The following TANC2 variants were observed in gnomAD, a reference collection of about 807,000 sequenced individuals.
TANC2 encodes the protein protein TANC2.
In TANC2, 26 loss-of-function variants were observed where a neutral mutation model predicts 210.5. The observed-to-expected ratio is 0.12, with a 90% CI of 0.09 to 0.17. The LOEUF (loss-of-function observed/expected upper bound fraction) is 0.17, where lower values mean the gene tolerates loss of function less well. TANC2 is among the 10% of genes least tolerant of loss of function. The pLI is 1.00. For synonymous variants in TANC2, 931 were observed against 967.1 expected (o/e 0.96, Z 0.69); for missense variants, 2,129 against 2,608.9 (o/e 0.82, Z 4.01).
At chr17:63,097,843 C>T (rs2037447100) in intron 3 of TANC2, among the ~76,000 whole-genome samples, 1 of 152,066 alleles carries the variant, frequency 6.6e-6, no homozygotes, top group South Asian at 2.1e-4. Context: ...CTTTTGGTGT[C>T]ATATCTAAGA....
chr17:63,166,235 G>A (rs549282319), intron 5 of TANC2, among the ~76,000 whole-genome samples: 1 of 152,214 alleles, frequency 6.6e-6, no homozygotes, highest in South Asian at 2.1e-4. Flanking sequence ...CCCTACCAAA[G>A]TGCCAAACTA....
intron 14 of TANC2, among the ~76,000 whole-genome samples, chr17:63,378,047 G>A (rs539156686): frequency 3.3e-5 from 5 of 152,208 alleles, no homozygotes; most frequent in African/African-American, 1.2e-4. Flanking sequence ...GGATTATGGG[G>A]GTTACAATTC....
At chr17:63,048,715 G>C (rs1349551984) in intron 2 of TANC2, among the ~76,000 whole-genome samples, 1 of 152,052 alleles carries the variant, frequency 6.6e-6, no homozygotes, top group Non-Finnish European at 1.5e-5. Flanking sequence ...AGTACTACAT[G>C]TTCTCTCTTA....
chr17:63,029,658 C>T (rs2144115130), intron 2 of TANC2, among the ~76,000 whole-genome samples: 1 of 151,914 alleles, frequency 6.6e-6, no homozygotes, highest in East Asian at 1.9e-4. Context: ...TTAATTCACT[C>T]CACAGAGATT....
intron 1 of TANC2, chr17:63,005,038 T>G (rs1004896862): frequency 6.5e-6 from 1 of 152,784 alleles, no homozygotes; most frequent in African/African-American, 2.4e-5. Flanking sequence ...ATCTGGAGGT[T>G]GTTGTTGCCT....
At chr17:63,336,434 G>A (rs1386069262) in intron 11 of TANC2, among the ~76,000 whole-genome samples, 1 of 152,204 alleles carries the variant, frequency 6.6e-6, no homozygotes, top group Non-Finnish European at 1.5e-5. Flanking sequence ...GAAGGCCTGT[G>A]ACTCAACGCA....
At chr17:63,022,743 C>T (rs1488378350) in intron 2 of TANC2, among the ~76,000 whole-genome samples, 1 of 152,142 alleles carries the variant, frequency 6.6e-6, no homozygotes, top group African/African-American at 2.4e-5. Context: ...AGGAGATGGG[C>T]TACTACCCAG....
chr17:63,320,407 C>T (rs1012288881), intron 11 of TANC2: 1 of 152,246 alleles, frequency 6.6e-6, no homozygotes, highest in East Asian at 1.9e-4. Flanking sequence ...GAGTTCCTGT[C>T]CCTCCTCTTT....
rs57112801 is a variant in TANC2 at position 63,055,990 on chromosome 17, A to AAT, written c.68-17920_68-17919dup. 8.3e-3 allele frequency among the ~76,000 whole-genome samples: 84 copies of AAT among 10,090 alleles called. 4 individuals carry two copies. Among genetic ancestry groups the AAT allele is most frequent in the Non-Finnish European group, 0.012 (53 of 4,602 alleles). The allele number at this position is 10,090 out of a possible 152,430, so 6.6% of individuals were successfully genotyped here. A position where few individuals can be genotyped will look rare whatever the true frequency, so the allele number is the denominator to read the frequency against. ...CAAAAAAAAAAAAAAAAAAAAAAAA[A>AAT]ATATATATATATATATATATATATA... On this transcript the variant is annotated intron_variant, in intron 2 of 27. Transcript: ENST00000689528.
intron 1 of TANC2, among the ~76,000 whole-genome samples, chr17:62,991,624 A>T (rs1360578791): frequency 6.6e-6 from 1 of 150,778 alleles, no homozygotes. Context: ...TGGGTGACAG[A>T]GCGAGACTCC....
intron 7 of TANC2, among the ~76,000 whole-genome samples, chr17:63,213,485 G>A (rs2041944393): frequency 6.6e-6 from 1 of 152,094 alleles, no homozygotes; most frequent in Non-Finnish European, 1.5e-5. Flanking sequence ...TTATATTTCA[G>A]TCAGATTTTA....
At position 63,224,589 on chromosome 17, in the gene TANC2, C is replaced by T. The variant is rs143424207; in HGVS notation, c.770-13225C>T. Among the ~76,000 whole-genome samples the T allele has an allele frequency of 5.9e-3, 897 of 152,286 alleles. 8 individuals are homozygous for T. The highest frequency in any genetic ancestry group is 0.021 in the African/African-American group (859 of 41,556). ...ATATCCTCCTTGCATCTGAGAAATA[C>T]GTGCTGCCAACTGGCCTCTGTATCC... On this transcript the variant is annotated intron_variant, in intron 7 of 27. Coordinates refer to ENST00000689528, the Ensembl canonical transcript of TANC2.
rs2045080405 is a variant in TANC2, at chr17:63,310,393, G to A, written c.1160-3995G>A. On this transcript the variant is annotated intron_variant, in intron 9 of 27. Coordinates refer to ENST00000689528, the Ensembl canonical transcript of TANC2. ...ACCTGGGAGGCAGAGATTGCAGTGA[G>A]CCAAGATTGCGCCACTGCACTCCAG... is the stretch of plus-strand genomic sequence containing the variant. Among the ~76,000 whole-genome samples, 2 of 152,114 alleles carry A rather than the reference G, an allele frequency of 1.3e-5. 1 individual carries two copies. Among genetic ancestry groups the A allele is most frequent in the South Asian group, 4.1e-4 (2 of 4,830 alleles).
intron 8 of TANC2, 69 bp from the exon 9 acceptor site, chr17:63,267,679 G>T: frequency 1.3e-6 from 2 of 1,520,808 alleles, no homozygotes; most frequent in African/African-American, 2.8e-5. Flanking sequence ...CAAAGTTCCG[G>T]AGATACAGAC....
chr17:63,296,626 T>G (rs926644107), intron 9 of TANC2, among the ~76,000 whole-genome samples: 2 of 152,134 alleles, frequency 1.3e-5, no homozygotes, highest in Admixed American at 1.3e-4. Flanking sequence ...TTAAATCAGC[T>G]GTATTAAATA....
At position 63,098,515 on chromosome 17, in the gene TANC2, G is replaced by GTGTATA. The variant is rs1555571195; in HGVS notation, c.140-659_140-658insGTATAT. ...TCTCTCTCTCTCTCTCTCTCTGTGT[G>GTGTATA]TATATATATATATATATATGTAAAA... On this transcript the variant is annotated intron_variant, in intron 3 of 27. Transcript: ENST00000689528. Among the ~76,000 whole-genome samples, 145 of 126,730 alleles carry GTGTATA rather than the reference G, an allele frequency of 1.1e-3. 5 individuals are homozygous for GTGTATA. Among genetic ancestry groups the GTGTATA allele is most frequent in the Middle Eastern group, 4.0e-3 (1 of 248 alleles). 83.1% of individuals were successfully genotyped at this position (126,730 alleles called of 152,430 possible).
In TANC2 at chr17:63,055,990, AATATATATATATATATATAT is replaced by A. The variant is rs57112801; in HGVS notation, c.68-17938_68-17919del. The stretch of plus-strand genomic sequence containing the variant: ...CAAAAAAAAAAAAAAAAAAAAAAAA[AATATATATATATATATATAT>A]ATATATATATATATGCCAGGGGTGG... On this transcript the variant is annotated intron_variant, in intron 2 of 27. Transcript: ENST00000689528. 1.2e-3 allele frequency among the ~76,000 whole-genome samples: 12 copies of A among 10,102 alleles called. No homozygotes were observed. In the East Asian group the frequency reaches 0.014, roughly 12 times the overall value. The allele number at this position is 10,102 out of a possible 152,430, so 6.6% of individuals were successfully genotyped here. A position where few individuals can be genotyped will look rare whatever the true frequency, so the allele number is the denominator to read the frequency against.
intron 19 of TANC2, among the ~76,000 whole-genome samples, chr17:63,400,191 A>T (rs754338639): frequency 3.3e-5 from 5 of 152,256 alleles, no homozygotes; most frequent in Non-Finnish European, 7.3e-5. Context: ...CTTTGTTGCC[A>T]AGGGCATGGC....
chr17:63,361,068 C>T (rs117358906), intron 14 of TANC2, among the ~76,000 whole-genome samples: 1,816 of 152,288 alleles, frequency 0.012, 18 homozygotes, highest in Middle Eastern at 0.024. Context: ...AAGTTACTTC[C>T]AAATCTTGGC....
Sources: allele counts gnomAD v4.1 joint callset (sites outside exome capture counted in the v4.1 genomes callset), GRCh38; gene constraint gnomAD v4.1.1; transcripts MANE v1.5; gene names NCBI Gene and HGNC (gene_info 2026-07-23, HGNC 2026-07-21).